DIAPH1: variants seen among roughly 807,000 people sequenced by gnomAD.
The protein encoded by DIAPH1 is diaphanous related formin 1.
A neutral mutation model predicts 140.7 loss-of-function variants in DIAPH1; 46 were observed. That is an observed-to-expected ratio of 0.33 (90% confidence interval 0.26 to 0.42). The LOEUF (loss-of-function observed/expected upper bound fraction) is 0.42. DIAPH1 is among the 10% of genes least tolerant of loss of function. The pLI, the probability that DIAPH1 is intolerant of heterozygous loss-of-function variation, is 1.00. For missense variants in DIAPH1, 1,310 were observed against 1,558.7 expected, an observed-to-expected ratio of 0.84 and a Z score of 2.69; for synonymous variants, 565 against 551.6, an observed-to-expected ratio of 1.02 and a Z score of -0.34.
chr5:141,553,012 G>C (rs1236863961), intron 18 of DIAPH1, among the ~76,000 whole-genome samples: 1 of 152,218 alleles, frequency 6.6e-6, no homozygotes, highest in Non-Finnish European at 1.5e-5. Context: ...ATGTGAGCCA[G>C]GCATGGTGGC....
chr5:141,582,243 G>T, intron 7 of DIAPH1, 69 bp downstream of exon 7: 3 of 1,139,316 alleles, frequency 2.6e-6, no homozygotes, highest in African/African-American at 1.5e-5. Context: ...TTCCTCTTTT[G>T]GTTTGCCAAT....
At chr5:141,618,635 G>T in intron 1 of DIAPH1, 163 bp downstream of exon 1, 1 of 531,004 alleles carries the variant, frequency 1.9e-6, no homozygotes, top group South Asian at 2.3e-5. Flanking sequence ...CCGAGGTCCC[G>T]AAGGGAGAGG....
At position 141,573,683 on chromosome 5, in the gene DIAPH1, C is replaced by T. The variant is rs1219615963; in HGVS notation, c.2167G>A (p.Gly723Ser). Residue 723 changes from glycine (G) to serine (S), a missense_variant, in exon 16 of 28, where the codon GGT (glycine) becomes AGT (serine). Gly to Ser is a moderately conservative substitution (Grantham distance 56, BLOSUM62 0). Around this residue, in one of 3 missense-constraint regions of DIAPH1, gnomAD observed 589 missense variants for 549.3 expected, o/e 1.07. Coordinates refer to ENST00000389054, the MANE Select transcript of DIAPH1 (RefSeq NM_005219.5). ...GGAGGAGGTGGAGGGATTCCAGGAC[C>T]ACCAGGAAGAGGGGGAGGAGGAGGT... Reference protein sequence around the residue: ...MPPPPPPLPGGPGIPPPPPFP... With the variant: ...MPPPPPPLPGSPGIPPPPPFP... The T allele has an allele frequency of 3.1e-6, 5 of 1,605,710 alleles. No individual in the cohort carries two copies. In the East Asian group the frequency reaches 9.0e-5, roughly 29 times the overall value.
chr5:141,612,427 A>G (rs2099901987), intron 1 of DIAPH1, among the ~76,000 whole-genome samples: 1 of 152,260 alleles, frequency 6.6e-6, no homozygotes, highest in Admixed American at 6.5e-5. Context: ...GGGTAAATGA[A>G]TAAACAAATT....
chr5:141,615,901 T>C (rs191575331), intron 1 of DIAPH1, among the ~76,000 whole-genome samples: 2 of 152,352 alleles, frequency 1.3e-5, no homozygotes, highest in Admixed American at 1.3e-4. Flanking sequence ...GTTCTACTTA[T>C]TCCCCTTACG....
In DIAPH1 at chr5:141,528,940, A is replaced by G. The variant is rs2099887797; in HGVS notation, c.2780T>C (p.Met927Thr). Residue 927 changes from methionine (M) to threonine (T), a missense_variant and splice_region_variant, in exon 22 of 28, where the codon ATG becomes ACG. Around this residue, in one of 3 missense-constraint regions of DIAPH1, gnomAD observed 344 missense variants for 512.2 expected, o/e 0.67. Transcript: ENST00000389054. ...LAESEQFGVV[M>T]GTVPRLRPRL... ...AGGCCGCAGTCGGGGCACAGTGCCC[A>G]TCTAGTAAAGAACACAAGCAGTTCC... 5.0e-6 allele frequency: 8 copies of G among 1,613,804 alleles called. No homozygotes were observed. Among genetic ancestry groups the G allele is most frequent in the Non-Finnish European group, 6.8e-6 (8 of 1,180,044 alleles).
intron 7 of DIAPH1, chr5:141,582,059 C>CAA (rs70991705): frequency 0.086 from 6,761 of 78,258 alleles, 904 homozygotes; most frequent in African/African-American, 0.12. Context: ...GACTCCATCT[C>CAA]AAAAAAAAAA....
At chr5:141,566,571 A>G (rs1436335893) in intron 18 of DIAPH1, among the ~76,000 whole-genome samples, 1 of 152,192 alleles carries the variant, frequency 6.6e-6, no homozygotes, top group Non-Finnish European at 1.5e-5. Flanking sequence ...CTCCAAGCCC[A>G]CTGGGGTGAG....
At chr5:141,529,844 G>A in intron 19 of DIAPH1, 147 bp from the exon 20 acceptor site, 1 of 728,956 alleles carries the variant, frequency 1.4e-6, no homozygotes, top group South Asian at 1.5e-5. Flanking sequence ...AGCACTTCGG[G>A]AGGCCAAGGT....
At chr5:141,540,886 C>T (rs1022969065) in intron 18 of DIAPH1, among the ~76,000 whole-genome samples, 2 of 151,758 alleles carry the variant, frequency 1.3e-5, no homozygotes, top group African/African-American at 4.8e-5. Context: ...AAGGTGAAAC[C>T]CCATCTCTAC....
chr5:141,541,713 A>G (rs1417023748), intron 18 of DIAPH1, among the ~76,000 whole-genome samples: 5 of 151,512 alleles, frequency 3.3e-5, no homozygotes, highest in African/African-American at 1.2e-4. Context: ...AAGAAAAAGA[A>G]GAAAGAAAGA....
chr5:141,538,434 A>G (rs1180603146), intron 18 of DIAPH1, among the ~76,000 whole-genome samples: 2 of 146,000 alleles, frequency 1.4e-5, no homozygotes, highest in African/African-American at 2.5e-5. Context: ...CTCACTGCAA[A>G]CTCCGCCTCC....
At chr5:141,610,782 TAAA>T (rs1014213668) in intron 1 of DIAPH1, among the ~76,000 whole-genome samples, 1 of 150,426 alleles carries the variant, frequency 6.6e-6, no homozygotes, top group Non-Finnish European at 1.5e-5. Context: ...AAATAAAACA[TAAA>T]AAAAATTAGG....
intron 18 of DIAPH1, among the ~76,000 whole-genome samples, chr5:141,544,805 T>A (rs1310635925): frequency 6.6e-6 from 1 of 152,236 alleles, no homozygotes; most frequent in Admixed American, 6.5e-5. Context: ...TGAAAAATGG[T>A]ACAGCCACTT....
intron 1 of DIAPH1, 71 bp downstream of exon 1, chr5:141,618,727 C>A (rs2099903115): frequency 1.0e-5 from 12 of 1,169,208 alleles, no homozygotes; most frequent in Non-Finnish European, 3.7e-6. Context: ...GCAGGCGCCC[C>A]AGGGGCCGGC....
At chr5:141,584,535 A>C (rs1351390738) in intron 3 of DIAPH1, among the ~76,000 whole-genome samples, 1 of 152,062 alleles carries the variant, frequency 6.6e-6, no homozygotes, top group Non-Finnish European at 1.5e-5. Context: ...TGCTTTCTGC[A>C]TCAAGGATGG....
intron 18 of DIAPH1, chr5:141,560,978 T>A: frequency 2.2e-6 from 1 of 453,592 alleles, no homozygotes; most frequent in Non-Finnish European, 4.4e-6. Context: ...GCCATCTCTG[T>A]TACTGAAAGT....
chr5:141,591,840 T>C (rs1027950137), intron 1 of DIAPH1, among the ~76,000 whole-genome samples: 16 of 149,482 alleles, frequency 1.1e-4, no homozygotes, highest in Middle Eastern at 3.4e-3. Flanking sequence ...TCCCAGCACT[T>C]TGGGAGGCCG....
chr5:141,559,407 T>C (rs2099893173), intron 18 of DIAPH1, among the ~76,000 whole-genome samples: 1 of 152,114 alleles, frequency 6.6e-6, no homozygotes, highest in South Asian at 2.1e-4. Context: ...CCCACAGAAC[T>C]AGACCATTAC....
Sources: gnomAD v4.1 joint callset for allele counts (sites outside exome capture counted in the v4.1 genomes callset) on GRCh38, gnomAD v4.1.1 for gene constraint, gnomAD v4.1.1 regional missense constraint, MANE v1.5 for transcripts, NCBI Gene and HGNC (gene_info 2026-07-23, HGNC 2026-07-21) for gene names.